The following AGAP1 variants were observed in gnomAD, a reference collection of about 807,000 sequenced individuals.
AGAP1 encodes arf-GAP with GTPase, ANK repeat and PH domain-containing protein 1.
Under a neutral mutation model 105.3 loss-of-function variants are expected in AGAP1, and 29 were observed. That is an observed-to-expected ratio of 0.28 (90% confidence interval 0.21 to 0.38). The LOEUF is 0.38. AGAP1 is among the 10% of genes least tolerant of loss of function. AGAP1 has a pLI of 1.00. For synonymous variants in AGAP1, 509 were observed against 485.9 expected (o/e 1.05, Z -0.63); for missense variants, 998 against 1,165.1 (o/e 0.86, Z 2.09).
At chr2:235,706,453 C>T (rs532121841) in intron 1 of AGAP1, among the ~76,000 whole-genome samples, 17 of 152,146 alleles carry the variant, frequency 1.1e-4, no homozygotes, top group South Asian at 2.1e-4. Flanking sequence ...TGATCTTGAT[C>T]TCCTGACCTC....
At position 235,959,855 on chromosome 2, in the gene AGAP1, C is replaced by G. The variant is rs1399176737; in HGVS notation, c.1484-8607C>G. ...CCTGCCAAACCTGCTCCCACCCGCC[C>G]CAGCCCAGAGCATGTGGCTTCTCTA... On this transcript the variant is annotated intron_variant, in intron 12 of 17. Transcript: ENST00000304032. The surrounding 1 kb of genome is among the most constrained non-coding windows in gnomAD (Gnocchi z 7.3). Among the ~76,000 whole-genome samples the G allele has an allele frequency of 6.6e-6, 1 of 152,218 alleles. No individual in the cohort carries two copies. Among genetic ancestry groups the G allele is most frequent in the Admixed American group, 6.5e-5 (1 of 15,286 alleles).
At position 235,523,457 on chromosome 2, in the gene AGAP1, C is replaced by T. The variant is rs945129752; in HGVS notation, c.163+28608C>T. 6.6e-5 allele frequency among the ~76,000 whole-genome samples: 10 copies of T among 152,294 alleles called. No homozygotes were observed. The East Asian group carries it at 1.7e-3, about 27-fold the overall frequency. On this transcript the variant is annotated intron_variant, in intron 1 of 17. Transcript: ENST00000304032. ...AATTTTGAAAGGGACTGCTTCCCAT[C>T]GGTGCCTGAGTCAAGGCCTAGGACT...
intron 9 of AGAP1, among the ~76,000 whole-genome samples, chr2:235,815,434 C>T (rs746334373): frequency 3.3e-5 from 5 of 152,160 alleles, no homozygotes; most frequent in Non-Finnish European, 5.9e-5. Context: ...CCCATCTGTA[C>T]GTCATTTAAC....
intron 9 of AGAP1, among the ~76,000 whole-genome samples, chr2:235,829,205 C>T (rs1243227146): frequency 6.6e-6 from 1 of 152,258 alleles, no homozygotes; most frequent in Non-Finnish European, 1.5e-5. Context: ...TGTGCATCCC[C>T]TGGCCCCTGG....
At position 235,799,645 on chromosome 2, in the gene AGAP1, T is replaced by C; in HGVS notation, c.957+123T>C. The stretch of plus-strand genomic sequence containing the variant: ...CTCAACTATATTAAAGTGAATAACA[T>C]TGATTTCTGTGGAGGACTAAGAAAA... On this transcript the variant is annotated intron_variant, in intron 8 of 17. Transcript: ENST00000304032. The surrounding 1 kb of genome is among the most constrained non-coding windows in gnomAD (Gnocchi z 5.0). The C allele has an allele frequency of 8.8e-7, 1 of 1,134,434 alleles. No individual in the cohort carries two copies. The highest frequency in any genetic ancestry group is 1.9e-5 in the South Asian group (1 of 51,770). 70.3% of individuals were successfully genotyped at this position (1,134,434 alleles called of 1,614,324 possible). A position where few individuals can be genotyped will look rare whatever the true frequency, so the allele number is the denominator to read the frequency against.
chr2:235,906,833 C>A lies in AGAP1; in HGVS notation c.1156-1905C>A, dbSNP rs2051329292. On this transcript the variant is annotated intron_variant, in intron 10 of 17. Transcript: ENST00000304032. The surrounding 1 kb of genome is among the most constrained non-coding windows in gnomAD (Gnocchi z 5.3). ...CAGCAAACATCTACTTGTTGATAAA[C>A]CCGTGACTCCTTCACAAGTGTGGGT... Among the ~76,000 whole-genome samples, 2 of 150,320 alleles carry A rather than the reference C, an allele frequency of 1.3e-5. No individual in the cohort carries two copies. Among genetic ancestry groups the A allele is most frequent in the African/African-American group, 2.5e-5 (1 of 39,706 alleles).
rs2059590618 is a variant in AGAP1, at chr2:236,109,552, C to T, written c.2115-10640C>T. Among the ~76,000 whole-genome samples, 1 of 152,194 alleles carries T rather than the reference C, an allele frequency of 6.6e-6. No homozygotes were observed. Among genetic ancestry groups the T allele is most frequent in the African/African-American group, 2.4e-5 (1 of 41,462 alleles). On this transcript the variant is annotated intron_variant, in intron 16 of 17. Transcript: ENST00000304032. This position sits in a 1 kb window ranked among gnomAD's most constrained non-coding sequence, Gnocchi z 5.4. ...TCTCGATCAGCAGCCTTGGAAATGT[C>T]CTAGTCAGCGGCAGCGTCGGTGCTC... is the stretch of plus-strand genomic sequence containing the variant.
At chr2:235,745,724 G>C (rs1041455712) in intron 5 of AGAP1, among the ~76,000 whole-genome samples, 1 of 152,244 alleles carries the variant, frequency 6.6e-6, no homozygotes, top group Admixed American at 6.5e-5. Context: ...TAGGACGTCA[G>C]CTGTACATAC....
At chr2:235,575,571 T>G (rs930005615) in intron 1 of AGAP1, among the ~76,000 whole-genome samples, 3 of 149,696 alleles carry the variant, frequency 2.0e-5, no homozygotes, top group African/African-American at 7.6e-5. Context: ...TTGCTCTGCC[T>G]CCTCCGTGAG....
rs888827044 is a variant in AGAP1, at chr2:235,887,615, C to T, written c.1155+4166C>T. 2.0e-5 allele frequency among the ~76,000 whole-genome samples: 3 copies of T among 152,170 alleles called. No homozygotes were observed. Among genetic ancestry groups the T allele is most frequent in the Non-Finnish European group, 4.4e-5 (3 of 68,042 alleles). ...CAAGAGCCCCCGGAGCAGGGGCCTG[C>T]ATTGATCTCATATAGCATAGCCTAC... On this transcript the variant is annotated intron_variant, in intron 10 of 17. Transcript: ENST00000304032. The surrounding 1 kb of genome is among the most constrained non-coding windows in gnomAD (Gnocchi z 4.1).
At chr2:235,568,418 G>A (rs1559254945) in intron 1 of AGAP1, among the ~76,000 whole-genome samples, 1 of 152,202 alleles carries the variant, frequency 6.6e-6, no homozygotes, top group Non-Finnish European at 1.5e-5. Context: ...CCGTTTTATG[G>A]AGAAAGAAAC....
At position 235,875,878 on chromosome 2, in the gene AGAP1, A is replaced by G. The variant is rs2049702213; in HGVS notation, c.1051-7467A>G. On this transcript the variant is annotated intron_variant, in intron 9 of 17. Coordinates refer to ENST00000304032, the MANE Select transcript of AGAP1 (RefSeq NM_001037131.3). This position sits in a 1 kb window ranked among gnomAD's most constrained non-coding sequence, Gnocchi z 4.0. ...ACTTCTAAATTTTTATTCAATGGGT[A>G]AATGTCTTTTTATTTCATTTTAAAA... Among the ~76,000 whole-genome samples, 1 of 152,252 alleles carries G rather than the reference A, an allele frequency of 6.6e-6. No individual in the cohort carries two copies. The highest frequency in any genetic ancestry group is 1.5e-5 in the Non-Finnish European group (1 of 68,042).
At chr2:235,686,620 G>GATATATATATATAT (rs1194270184) in intron 1 of AGAP1, among the ~76,000 whole-genome samples, 1 of 57,244 alleles carries the variant, frequency 1.7e-5, no homozygotes, top group Non-Finnish European at 3.2e-5. Flanking sequence ...TGGAGATATA[G>GATATATATATATAT]ATATATATAT....
Position 235,968,532 on chromosome 2 carries a change from G to T in AGAP1, c.1554G>T (p.Pro518=). The change falls in exon 13 of 18, where the codon CCG becomes CCT. Residue 518 remains proline, a synonymous_variant. Transcript: ENST00000304032. The part of the protein sequence containing the change: ...ISSTTSPKLD[P]PPSPHANRKK... ...GCACCACCAGCCCCAAGCTCGACCC[G>T]CCCCCCTCCCCTCACGCCAACAGAA... 1 of 1,466,658 alleles carries T rather than the reference G, an allele frequency of 6.8e-7. No individual in the cohort carries two copies. The highest frequency in any genetic ancestry group is 9.0e-7 in the Non-Finnish European group (1 of 1,113,530). 90.9% of individuals were successfully genotyped at this position (1,466,658 alleles called of 1,614,324 possible).
chr2:235,741,329 G>C lies in AGAP1; in HGVS notation c.396+281G>C, dbSNP rs188950958. Among the ~76,000 whole-genome samples the C allele has an allele frequency of 9.2e-4, 140 of 152,314 alleles. 3 individuals are homozygous for C. In the East Asian group the frequency reaches 0.02, roughly 22 times the overall value. On this transcript the variant is annotated intron_variant, in intron 4 of 17. Coordinates refer to ENST00000304032, the MANE Select transcript of AGAP1 (RefSeq NM_001037131.3). This position sits in a 1 kb window ranked among gnomAD's most constrained non-coding sequence, Gnocchi z 4.9. ...AAACGCACACTCTGCCCTGGTTGGG[G>C]AGCCCAGTTGAAATGACATCTGGAA...
chr2:235,542,539 A>G (rs1374502009), intron 1 of AGAP1, among the ~76,000 whole-genome samples: 1 of 148,656 alleles, frequency 6.7e-6, no homozygotes, highest in Non-Finnish European at 1.5e-5. Flanking sequence ...CCAAATCCGT[A>G]CATCCTCCTG....
intron 5 of AGAP1, among the ~76,000 whole-genome samples, chr2:235,745,735 T>C (rs1200009993): frequency 2.0e-5 from 3 of 152,252 alleles, no homozygotes; most frequent in Admixed American, 2.0e-4. Flanking sequence ...CTGTACATAC[T>C]GCACTAGGTG....
rs959580346 is a variant in AGAP1, at chr2:236,027,273, A to G, written c.1646-9288A>G. ...AAATAAAAAATGAAGCCACCTAAAG[A>G]CAGGATCCTGGGAAACACATGGGCC... On this transcript the variant is annotated intron_variant, in intron 13 of 17. Coordinates refer to ENST00000304032, the MANE Select transcript of AGAP1 (RefSeq NM_001037131.3). This position sits in a 1 kb window ranked among gnomAD's most constrained non-coding sequence, Gnocchi z 4.4. Among the ~76,000 whole-genome samples, 4 of 152,084 alleles carry G rather than the reference A, an allele frequency of 2.6e-5. No homozygotes were observed. The highest frequency in any genetic ancestry group is 9.7e-5 in the African/African-American group (4 of 41,414).
chr2:235,740,410 G>C lies in AGAP1; in HGVS notation c.311-553G>C, dbSNP rs1322025660. On this transcript the variant is annotated intron_variant, in intron 3 of 17. Coordinates refer to ENST00000304032, the MANE Select transcript of AGAP1 (RefSeq NM_001037131.3). This position sits in a 1 kb window ranked among gnomAD's most constrained non-coding sequence, Gnocchi z 5.7. ...GCGGAGGTCCCATCCAGTAGTTTCT[G>C]TCTAACCCATGTGTAGTAGTGAAGC... is the stretch of plus-strand genomic sequence containing the variant. 6.6e-6 allele frequency among the ~76,000 whole-genome samples: 1 copy of C among 152,162 alleles called. No homozygotes were observed. The highest frequency in any genetic ancestry group is 1.5e-5 in the Non-Finnish European group (1 of 68,028).
Sources: allele counts gnomAD v4.1 joint callset (sites outside exome capture counted in the v4.1 genomes callset), GRCh38; gene constraint gnomAD v4.1.1; non-coding constraint Gnocchi (gnomAD v3.1); transcripts MANE v1.5; gene names NCBI Gene and HGNC (gene_info 2026-07-23, HGNC 2026-07-21).